The following PCDHGA4 variants were observed in gnomAD, a reference collection of about 807,000 sequenced individuals.
PCDHGA4 encodes the protein protocadherin gamma subfamily A, 4.
PCDHGA4 carries 38 observed loss-of-function variants against 54.6 expected under a neutral mutation model. The observed-to-expected ratio is 0.70, with a 90% CI of 0.54 to 0.91. PCDHGA4 has a LOEUF of 0.91. Ranked by LOEUF, PCDHGA4 falls within the 40% of genes least tolerant of loss-of-function variation. The pLI is 0.00. For synonymous variants in PCDHGA4, 511 were observed against 512.9 expected, an observed-to-expected ratio of 1.00 and a Z score of 0.05; for missense variants, 1,298 against 1,220.9, an observed-to-expected ratio of 1.06 and a Z score of -0.94.
At chr5:141,385,263 T>C in intron 1 of PCDHGA4, 1 of 1,613,672 alleles carries the variant, frequency 6.2e-7, no homozygotes, top group Non-Finnish European at 8.5e-7. Flanking sequence ...GTGAGAAAAA[T>C]GATTCTTTGC....
intron 1 of PCDHGA4, 29 bp downstream of exon 1, chr5:141,357,650 A>G: frequency 6.2e-7 from 1 of 1,608,974 alleles, no homozygotes; most frequent in Non-Finnish European, 8.5e-7. Flanking sequence ...AGATCATACC[A>G]CACTGAAATA....
At chr5:141,410,847 G>GTTTTT (rs773839667) in intron 1 of PCDHGA4, 12 of 158,330 alleles carry the variant, frequency 7.6e-5, no homozygotes, top group African/African-American at 2.5e-4. Flanking sequence ...TTTTGTCTTT[G>GTTTTT]TCTTTTTTTT....
chr5:141,506,444 CAAAAAA>C (rs1219684339), intron 3 of PCDHGA4, among the ~76,000 whole-genome samples: 1 of 95,026 alleles, frequency 1.1e-5, no homozygotes, highest in African/African-American at 4.0e-5. Flanking sequence ...CGCTCTGTCT[CAAAAAA>C]AAAAAAAAAA....
In PCDHGA4 at chr5:141,393,943, G is replaced by A. The variant is rs186465469; in HGVS notation, c.2514+36322G>A. Reference sequence around the variant, plus strand: ...TTGAGTGTGCATGACCAAGACTCTGGAAAGAATGGTCAAGTTGTCTGTTAC... The same window carrying A: ...TTGAGTGTGCATGACCAAGACTCTGAAAAGAATGGTCAAGTTGTCTGTTAC... On this transcript the variant is annotated intron_variant, in intron 1 of 3. Transcript: ENST00000571252. 1.6e-5 allele frequency: 26 copies of A among 1,613,936 alleles called. No homozygotes were observed. The East Asian group carries it at 3.1e-4, about 19-fold the overall frequency.
chr5:141,394,410 A>G, intron 1 of PCDHGA4: 1 of 1,614,210 alleles, frequency 6.2e-7, no homozygotes, highest in Non-Finnish European at 8.5e-7. Context: ...GCTACTGGTA[A>G]CAGCCAGCGA....
At chr5:141,450,829 A>ATTTTT (rs373424450) in intron 1 of PCDHGA4, among the ~76,000 whole-genome samples, 3 of 135,122 alleles carry the variant, frequency 2.2e-5, no homozygotes, top group Admixed American at 7.6e-5. Flanking sequence ...TATTATTATT[A>ATTTTT]TTTTTTTTTT....
intron 1 of PCDHGA4, among the ~76,000 whole-genome samples, chr5:141,438,397 C>A (rs950830331): frequency 6.6e-6 from 1 of 151,624 alleles, no homozygotes. Context: ...TCATCATTAA[C>A]TCTCTGAAGT....
At chr5:141,404,123 T>A (rs1477938356) in intron 1 of PCDHGA4, 4 of 1,613,394 alleles carry the variant, frequency 2.5e-6, no homozygotes, top group Admixed American at 1.7e-5. Context: ...GGAGAATCTA[T>A]CTTTTACATT....
In PCDHGA4 at chr5:141,486,369, C is replaced by T; in HGVS notation, c.2515-8438C>T. 8 of 1,614,128 alleles carry T rather than the reference C, an allele frequency of 5.0e-6. No homozygotes were observed. The highest frequency in any genetic ancestry group is 6.8e-6 in the Non-Finnish European group (8 of 1,179,996). On this transcript the variant is annotated intron_variant, in intron 1 of 3. Coordinates refer to ENST00000571252, the MANE Select transcript of PCDHGA4 (RefSeq NM_018917.4). The surrounding 1 kb of genome is among the most constrained non-coding windows in gnomAD (Gnocchi z 5.0). ...GACCACTTGCCATTTGCCCTCAAGT[C>T]TGCCTTCAGGAACCAGTTCTCCCTG...
At chr5:141,362,856 C>T (rs1331872357) in intron 1 of PCDHGA4, among the ~76,000 whole-genome samples, 2 of 152,238 alleles carry the variant, frequency 1.3e-5, no homozygotes, top group Non-Finnish European at 2.9e-5. Context: ...ATTAGTTTCA[C>T]CTTCAGGCTC....
In PCDHGA4 at chr5:141,422,509, C is replaced by G. The variant is rs1249006816; in HGVS notation, c.2514+64888C>G. On this transcript the variant is annotated intron_variant, in intron 1 of 3. Coordinates refer to ENST00000571252, the MANE Select transcript of PCDHGA4 (RefSeq NM_018917.4). ...CAATATAACGTTGACAGCCACAGAC[C>G]AGGGAAGCCCGCCTTTGTCTGCAGA... The G allele has an allele frequency of 1.9e-6, 3 of 1,613,836 alleles. No homozygotes were observed. In the South Asian group the frequency reaches 3.3e-5, roughly 18 times the overall value.
intron 2 of PCDHGA4, among the ~76,000 whole-genome samples, chr5:141,503,800 C>T (rs756250566): frequency 1.3e-5 from 2 of 151,994 alleles, no homozygotes; most frequent in South Asian, 2.1e-4. Flanking sequence ...TACTTAGGGA[C>T]GGGGAATCCC....
At chr5:141,372,628 A>G (rs1561557041) in intron 1 of PCDHGA4, 5 of 1,614,014 alleles carry the variant, frequency 3.1e-6, no homozygotes, top group Non-Finnish European at 4.2e-6. Flanking sequence ...ACCTACAGCG[A>G]AAGGACTTTG....
At position 141,477,938 on chromosome 5, in the gene PCDHGA4, T is replaced by C. The variant is rs1441443411; in HGVS notation, c.2515-16869T>C. The stretch of plus-strand genomic sequence containing the variant: ...TGCAGGGCACAATGCCTGGCTCTCC[T>C]ACAGTCTCTTGGGATCCCCTAACCA... On this transcript the variant is annotated intron_variant, in intron 1 of 3. Transcript: ENST00000571252. The surrounding 1 kb of genome is among the most constrained non-coding windows in gnomAD (Gnocchi z 4.9). The C allele has an allele frequency of 3.1e-6, 5 of 1,614,036 alleles. No homozygotes were observed. The highest frequency in any genetic ancestry group is 4.2e-6 in the Non-Finnish European group (5 of 1,180,030).
At chr5:141,497,703 C>T (rs995815060) in intron 2 of PCDHGA4, among the ~76,000 whole-genome samples, 16 of 152,134 alleles carry the variant, frequency 1.1e-4, no homozygotes, top group African/African-American at 3.9e-4. Context: ...CCACACCCAG[C>T]TCATTTTTGT....
chr5:141,487,293 C>T lies in PCDHGA4; in HGVS notation c.2515-7514C>T. ...GCAATTTGCTTTGTCTCCTTTGGCT[C>T]ATTCGTGGCACTACTCTCTAAGTGT... is the stretch of plus-strand genomic sequence containing the variant. On this transcript the variant is annotated intron_variant, in intron 1 of 3. Transcript: ENST00000571252. The surrounding 1 kb of genome is among the most constrained non-coding windows in gnomAD (Gnocchi z 5.0). 1 of 1,614,148 alleles carries T rather than the reference C, an allele frequency of 6.2e-7. No individual in the cohort carries two copies. Among genetic ancestry groups the T allele is most frequent in the Non-Finnish European group, 8.5e-7 (1 of 1,180,010 alleles).
intron 2 of PCDHGA4, 149 bp from the exon 3 acceptor site, chr5:141,505,244 T>C (rs886952348): frequency 7.0e-7 from 1 of 1,428,216 alleles, no homozygotes; most frequent in Non-Finnish European, 9.4e-7. Context: ...TGAAGGATTG[T>C]AGAAGTGCCT....
rs189405542 is a variant in PCDHGA4, at chr5:141,370,398, G to A, written c.2514+12777G>A. On this transcript the variant is annotated intron_variant, in intron 1 of 3. Transcript: ENST00000571252. ...AGGCAAAGGCGCAGAGAGCGGGATG[G>A]GAAATAGCTCCGGATGGAGGGGCCC... 5 of 1,550,336 alleles carry A rather than the reference G, an allele frequency of 3.2e-6. No individual in the cohort carries two copies. In the Admixed American group the frequency reaches 1.0e-4, roughly 32 times the overall value.
intron 1 of PCDHGA4, chr5:141,426,874 C>T: frequency 2.2e-6 from 1 of 456,654 alleles, no homozygotes; most frequent in Non-Finnish European, 4.4e-6. Context: ...CTGGAGAAGC[C>T]CCTGGGCCAG....
Sources: allele counts gnomAD v4.1 joint callset (sites outside exome capture counted in the v4.1 genomes callset), GRCh38; gene constraint gnomAD v4.1.1; non-coding constraint Gnocchi (gnomAD v3.1); transcripts MANE v1.5; gene names NCBI Gene and HGNC (gene_info 2026-07-23, HGNC 2026-07-21).